Variants in P3H2 observed in about 807,000 individuals in gnomAD.
P3H2 encodes prolyl 3-hydroxylase 2.
Under a neutral mutation model 87.0 loss-of-function variants are expected in P3H2, and 80 were observed. The observed-to-expected ratio is 0.92, with a 90% CI of 0.77 to 1.11. The LOEUF (loss-of-function observed/expected upper bound fraction) is 1.11. Among genes scored for constraint, P3H2 ranks in the 50% least tolerant of loss-of-function variants. The probability of loss-of-function intolerance (pLI) is 0.00; values close to 1 mark genes in which losing one functional copy is unlikely to be tolerated. For synonymous variants in P3H2, 367 were observed against 359.3 expected (o/e 1.02, Z -0.24); for missense variants, 1,001 against 923.9 (o/e 1.08, Z -1.08).
At chr3:190,004,916 C>CT (rs1724340314) in intron 1 of P3H2, among the ~76,000 whole-genome samples, 1 of 152,114 alleles carries the variant, frequency 6.6e-6, no homozygotes, top group Non-Finnish European at 1.5e-5. Context: ...TAATTGTTCA[C>CT]TACCACAGTT....
chr3:190,102,367 C>T (rs1236146863), intron 1 of P3H2, among the ~76,000 whole-genome samples: 2 of 152,156 alleles, frequency 1.3e-5, no homozygotes, highest in African/African-American at 4.8e-5. Flanking sequence ...TCATTAATAG[C>T]ATTCGTGATT....
chr3:189,982,327 A>T (rs1723562886), intron 8 of P3H2, among the ~76,000 whole-genome samples: 1 of 152,238 alleles, frequency 6.6e-6, no homozygotes, highest in Non-Finnish European at 1.5e-5. Flanking sequence ...ATCATAAAAC[A>T]TATAGAAATA....
At chr3:190,051,305 GT>G (rs1223762475) in intron 1 of P3H2, among the ~76,000 whole-genome samples, 7 of 152,004 alleles carry the variant, frequency 4.6e-5, no homozygotes, top group Non-Finnish European at 1.0e-4. Flanking sequence ...AATAACATTT[GT>G]TTTTTCTCTA....
At chr3:190,043,635 T>A (rs766875627) in intron 1 of P3H2, among the ~76,000 whole-genome samples, 8 of 152,222 alleles carry the variant, frequency 5.3e-5, no homozygotes, top group Non-Finnish European at 1.0e-4. Context: ...AATATACATA[T>A]AATAAAATGA....
At chr3:190,065,525 G>C (rs895180861) in intron 1 of P3H2, among the ~76,000 whole-genome samples, 6 of 152,098 alleles carry the variant, frequency 3.9e-5, no homozygotes, top group Non-Finnish European at 8.8e-5. Flanking sequence ...TCAGTGTTAT[G>C]TTAATCAGTA....
chr3:189,962,163 T>TCTTC (rs201648334), intron 14 of P3H2, among the ~76,000 whole-genome samples: 1 of 68,726 alleles, frequency 1.5e-5, no homozygotes, highest in South Asian at 4.7e-4. Flanking sequence ...TTCTTCTTCT[T>TCTTC]TTTTTTTTTT....
intron 1 of P3H2, among the ~76,000 whole-genome samples, chr3:190,015,464 A>G (rs935556684): frequency 2.0e-5 from 3 of 152,224 alleles, no homozygotes; most frequent in African/African-American, 7.2e-5. Context: ...TCACTGAAGA[A>G]TAACTGATTC....
In P3H2 at chr3:189,957,931, T is replaced by A. The variant is rs1478310915; in HGVS notation, c.2108A>T (p.Asn703Ile). ...EQQGKHELNI[N>I]PKDEL ...TCATTTTTATAGCTCATCTTTAGGG[T>A]TGATATTCAGTTCATGCTTCCCTTG... The change falls in exon 15 of 15, where the codon AAC (asparagine) becomes ATC (isoleucine). Residue 703 changes from asparagine to isoleucine, a missense_variant. By Grantham distance (149) the Asn-to-Ile change is moderately radical (BLOSUM62 -3). Coordinates refer to ENST00000319332, the MANE Select transcript of P3H2 (RefSeq NM_018192.4). 6.2e-7 allele frequency: 1 copy of A among 1,608,578 alleles called. No homozygotes were observed. The highest frequency in any genetic ancestry group is 8.5e-7 in the Non-Finnish European group (1 of 1,175,010).
chr3:190,034,671 T>C (rs1725360523), intron 1 of P3H2, among the ~76,000 whole-genome samples: 2 of 152,052 alleles, frequency 1.3e-5, no homozygotes, highest in African/African-American at 4.8e-5. Context: ...GAATTTTGGG[T>C]GGTGACGTAA....
At chr3:190,097,234 G>A (rs1027943721) in intron 1 of P3H2, among the ~76,000 whole-genome samples, 5 of 145,742 alleles carry the variant, frequency 3.4e-5, no homozygotes, top group African/African-American at 1.2e-4. Flanking sequence ...GAAACTGAGT[G>A]CTGGAACATA....
chr3:189,998,826 T>A lies in P3H2; in HGVS notation c.481-3384A>T, dbSNP rs2108926836. Among the ~76,000 whole-genome samples the A allele has an allele frequency of 1.3e-5, 2 of 152,264 alleles. 1 individual carries two copies. Among genetic ancestry groups the A allele is most frequent in the South Asian group, 4.2e-4 (2 of 4,808 alleles). On this transcript the variant is annotated intron_variant, in intron 1 of 14. Coordinates refer to ENST00000319332, the MANE Select transcript of P3H2 (RefSeq NM_018192.4). ...GGAAGACAATTTTTCCATGGATGGG[T>A]TGCAGGGATAGTTTCAGAATTAAAC... is the stretch of plus-strand genomic sequence containing the variant.
chr3:189,987,580 A>T lies in P3H2; in HGVS notation c.1045T>A (p.Tyr349Asn). The change falls in exon 5 of 15, where the codon TAT (tyrosine) becomes AAT (asparagine). Residue 349 changes from tyrosine to asparagine, a missense_variant. Physicochemically the swap from Tyr to Asn is moderately radical, Grantham distance 143. Transcript: ENST00000319332. ...DEDVLDNVDY[Y>N]ESLLDDSIDP... ...ATGCTATCATCCAGCAGACTCTCAT[A>T]GTAATCCACATTGTCTAGGACATCC... The T allele has an allele frequency of 2.5e-6, 4 of 1,614,136 alleles. No individual in the cohort carries two copies. The highest frequency in any genetic ancestry group is 2.5e-6 in the Non-Finnish European group (3 of 1,180,008).
intron 1 of P3H2, among the ~76,000 whole-genome samples, chr3:190,059,891 CACATGGT>C (rs952909259): frequency 6.6e-6 from 1 of 152,034 alleles, no homozygotes; most frequent in African/African-American, 2.4e-5. Flanking sequence ...TTTTTAAAGT[CACATGGT>C]ACCATATGAA....
intron 1 of P3H2, among the ~76,000 whole-genome samples, chr3:190,046,816 C>T (rs1233861998): frequency 1.3e-5 from 2 of 151,628 alleles, no homozygotes; most frequent in Non-Finnish European, 2.9e-5. Context: ...GTAATTTACC[C>T]TATTAAGCCA....
At chr3:189,990,171 G>A (rs1009577989) in intron 3 of P3H2, among the ~76,000 whole-genome samples, 2 of 152,048 alleles carry the variant, frequency 1.3e-5, no homozygotes, top group African/African-American at 2.4e-5. Flanking sequence ...TTCTGGTGTG[G>A]GGGAATGTGC....
chr3:190,103,334 C>T (rs577696134), intron 1 of P3H2, among the ~76,000 whole-genome samples: 55 of 152,288 alleles, frequency 3.6e-4, no homozygotes, highest in Non-Finnish European at 6.5e-4. Flanking sequence ...AAGATTCACA[C>T]ACAATAATCT....
At position 189,972,159 on chromosome 3, in the gene P3H2, G is replaced by A. The variant is rs1446571707; in HGVS notation, c.1700-152C>T. The A allele has an allele frequency of 5.7e-6, 4 of 695,858 alleles. No homozygotes were observed. In the East Asian group the frequency reaches 1.1e-4, roughly 19 times the overall value. 43.1% of individuals were successfully genotyped at this position (695,858 alleles called of 1,614,324 possible). On this transcript the variant is annotated intron_variant, in intron 11 of 14. Coordinates refer to ENST00000319332, the MANE Select transcript of P3H2 (RefSeq NM_018192.4). ...GAACAGATAAAAGAACAGTGGACAA[G>A]TAGTTGAGATTCTGGTCTGGTTCTG...
chr3:190,090,248 T>C (rs1727364717), intron 1 of P3H2, among the ~76,000 whole-genome samples: 1 of 152,182 alleles, frequency 6.6e-6, no homozygotes, highest in Admixed American at 6.5e-5. Context: ...TTTCCATTTC[T>C]CCTTTTCCTT....
chr3:190,080,278 G>A (rs1213084005), intron 1 of P3H2, among the ~76,000 whole-genome samples: 1 of 152,242 alleles, frequency 6.6e-6, no homozygotes, highest in Non-Finnish European at 1.5e-5. Context: ...TGAGGCTACA[G>A]AGTAAGCCAG....
Sources: allele counts gnomAD v4.1 joint callset (sites outside exome capture counted in the v4.1 genomes callset), GRCh38; gene constraint gnomAD v4.1.1; transcripts MANE v1.5; gene names NCBI Gene and HGNC (gene_info 2026-07-23, HGNC 2026-07-21).